Variants in CPNE8 observed in about 807,000 individuals in gnomAD.
CPNE8 encodes copine-8.
CPNE8 carries 45 observed loss-of-function variants against 81.5 expected under a neutral mutation model. The ratio of observed to expected loss-of-function variants is 0.55; its 90% CI spans 0.44 to 0.71. The LOEUF (loss-of-function observed/expected upper bound fraction) is 0.71, where lower values mean the gene tolerates loss of function less well. Ranked by LOEUF, CPNE8 falls within the 30% of genes least tolerant of loss-of-function variation. The pLI, the probability that CPNE8 is intolerant of heterozygous loss-of-function variation, is 0.00. For synonymous variants in CPNE8, 252 were observed against 226.3 expected, an observed-to-expected ratio of 1.11 and a Z score of -1.02; for missense variants, 594 against 672.1, an observed-to-expected ratio of 0.88 and a Z score of 1.28.
intron 11 of CPNE8, among the ~76,000 whole-genome samples, chr12:38,730,009 C>T (rs749368067): frequency 2.0e-5 from 3 of 151,894 alleles, no homozygotes; most frequent in Non-Finnish European, 2.9e-5. Context: ...AAAGGCAAAA[C>T]ATAAAGGCTG....
At chr12:38,780,053 T>G (rs1163533046) in intron 6 of CPNE8, among the ~76,000 whole-genome samples, 1 of 152,066 alleles carries the variant, frequency 6.6e-6, no homozygotes. Context: ...TGGTCTTATG[T>G]TTAGGTCTTT....
At chr12:38,836,249 ATCT>A (rs764670161) in intron 5 of CPNE8, among the ~76,000 whole-genome samples, 3 of 152,156 alleles carry the variant, frequency 2.0e-5, no homozygotes, top group Non-Finnish European at 4.4e-5. Context: ...AACAGAATAA[ATCT>A]TCTAAAAAAG....
chr12:38,842,097 A>G (rs1406521181), intron 4 of CPNE8, among the ~76,000 whole-genome samples: 2 of 151,964 alleles, frequency 1.3e-5, no homozygotes, highest in African/African-American at 2.4e-5. Flanking sequence ...TCTCCTTCGC[A>G]TCAAGGCATT....
chr12:38,791,657 C>T (rs907887854), intron 6 of CPNE8, among the ~76,000 whole-genome samples: 1 of 151,368 alleles, frequency 6.6e-6, no homozygotes, highest in Non-Finnish European at 1.5e-5. Context: ...GACTTCAATA[C>T]CACATCTTTA....
At chr12:38,699,166 T>C (rs1156760782) in intron 14 of CPNE8, among the ~76,000 whole-genome samples, 2 of 152,238 alleles carry the variant, frequency 1.3e-5, no homozygotes. Context: ...TAATTTGCAC[T>C]TATCTTGTTT....
chr12:38,859,109 A>T (rs1365132200), intron 3 of CPNE8, among the ~76,000 whole-genome samples: 1 of 152,162 alleles, frequency 6.6e-6, no homozygotes, highest in Non-Finnish European at 1.5e-5. Flanking sequence ...GCAATTAGAC[A>T]TGAAAAAGAA....
intron 10 of CPNE8, among the ~76,000 whole-genome samples, chr12:38,744,064 G>A (rs1941171146): frequency 6.6e-6 from 1 of 152,128 alleles, no homozygotes; most frequent in South Asian, 2.1e-4. Context: ...GCAGCATCGA[G>A]TGTGAAAAGT....
chr12:38,860,244 C>A lies in CPNE8; in HGVS notation c.187-11582G>T, dbSNP rs1943809396. 2.6e-5 allele frequency among the ~76,000 whole-genome samples: 4 copies of A among 151,472 alleles called. 1 individual carries two copies. The South Asian group carries it at 8.3e-4, about 32-fold the overall frequency. On this transcript the variant is annotated intron_variant, in intron 3 of 19. Transcript: ENST00000331366. ...ATTTAAAAATAGGCAAAAAAAAAAC[C>A]TTGAATAAACATTTCTCCAAAGAAG... is the stretch of plus-strand genomic sequence containing the variant.
intron 6 of CPNE8, among the ~76,000 whole-genome samples, chr12:38,778,116 T>C (rs954178361): frequency 6.6e-6 from 1 of 152,104 alleles, no homozygotes; most frequent in Non-Finnish European, 1.5e-5. Context: ...CATTATAATA[T>C]AATAATAATA....
intron 3 of CPNE8, among the ~76,000 whole-genome samples, chr12:38,856,885 A>G (rs755179745): frequency 4.6e-5 from 7 of 152,096 alleles, no homozygotes; most frequent in Non-Finnish European, 1.0e-4. Flanking sequence ...ATCTTTATTT[A>G]AAACTTTAGA....
chr12:38,805,661 TA>T (rs35911949), intron 6 of CPNE8, among the ~76,000 whole-genome samples: 2,983 of 41,848 alleles, frequency 0.071, 56 homozygotes, highest in East Asian at 0.17. Context: ...TAGAGTATAA[TA>T]AAAAAAAAAA....
intron 6 of CPNE8, among the ~76,000 whole-genome samples, chr12:38,779,677 A>G (rs1254964750): frequency 3.3e-5 from 5 of 152,236 alleles, no homozygotes; most frequent in Admixed American, 2.0e-4. Flanking sequence ...TTCAAATTAC[A>G]TCTCAAAATA....
chr12:38,886,722 G>A (rs1944242416), intron 1 of CPNE8, among the ~76,000 whole-genome samples: 1 of 152,132 alleles, frequency 6.6e-6, no homozygotes, highest in South Asian at 2.1e-4. Flanking sequence ...CTGGTAAAAT[G>A]AAAAATGAAT....
At chr12:38,737,621 A>G (rs1468893522) in intron 10 of CPNE8, among the ~76,000 whole-genome samples, 1 of 152,052 alleles carries the variant, frequency 6.6e-6, no homozygotes, top group Non-Finnish European at 1.5e-5. Context: ...TAGATTTGCT[A>G]TTATATTGCT....
chr12:38,785,558 C>T (rs1347100634), intron 6 of CPNE8, among the ~76,000 whole-genome samples: 1 of 152,128 alleles, frequency 6.6e-6, no homozygotes, highest in Non-Finnish European at 1.5e-5. Context: ...AGTTCCCCTG[C>T]ACATATTCTC....
At chr12:38,779,075 C>A (rs1941992734) in intron 6 of CPNE8, among the ~76,000 whole-genome samples, 1 of 152,124 alleles carries the variant, frequency 6.6e-6, no homozygotes, top group African/African-American at 2.4e-5. Context: ...CTTCTTCTTT[C>A]TATTTGTGAA....
chr12:38,777,776 G>C (rs1307511412), intron 6 of CPNE8, among the ~76,000 whole-genome samples: 1 of 152,152 alleles, frequency 6.6e-6, no homozygotes, highest in Non-Finnish European at 1.5e-5. Context: ...GGCTAGACCA[G>C]GGGTCTGCAA....
At chr12:38,800,923 T>C (rs1281509521) in intron 6 of CPNE8, among the ~76,000 whole-genome samples, 1 of 128,280 alleles carries the variant, frequency 7.8e-6, no homozygotes, top group African/African-American at 3.0e-5. Flanking sequence ...GAAGATGAAA[T>C]GAATGAAATG....
In CPNE8 at chr12:38,874,467, T is replaced by G. The variant is rs1348486356; in HGVS notation, c.139+4A>C. 2 of 1,602,638 alleles carry G rather than the reference T, an allele frequency of 1.2e-6. No homozygotes were observed. The highest frequency in any genetic ancestry group is 1.3e-5 in the African/African-American group (1 of 74,580). On this transcript the variant is annotated splice_donor_region_variant and intron_variant, in intron 2 of 19. Coordinates refer to ENST00000331366, the MANE Select transcript of CPNE8 (RefSeq NM_153634.3). ...TTTTCAAAAGGCAAGCAATACATAC[T>G]TACTTGGATCAGATTTAGAAAATGT... is the stretch of plus-strand genomic sequence containing the variant.
Sources: gnomAD v4.1 joint callset for allele counts (sites outside exome capture counted in the v4.1 genomes callset) on GRCh38, gnomAD v4.1.1 for gene constraint, MANE v1.5 for transcripts, NCBI Gene and HGNC (gene_info 2026-07-23, HGNC 2026-07-21) for gene names.